Variants in ZNF525 observed in about 807,000 individuals in gnomAD.
The protein encoded by ZNF525 is zinc finger protein 525.
ZNF525 carries 33 observed loss-of-function variants against 37.6 expected under a neutral mutation model. The observed-to-expected ratio is 0.88, with a 90% CI of 0.67 to 1.17. The LOEUF is 1.17. Ranked by LOEUF, ZNF525 falls within the 50% of genes most tolerant of loss-of-function variation. ZNF525 has a pLI of 0.00. For missense variants in ZNF525, 449 were observed against 543.1 expected (o/e 0.83, Z 1.72); for synonymous variants, 170 against 182.3 (o/e 0.93, Z 0.54).
Position 53,372,579 on chromosome 19 carries a change from C to T in ZNF525, c.15+283C>T, listed in dbSNP as rs377633298. On this transcript the variant is annotated intron_variant, in intron 2 of 3. Coordinates refer to ENST00000474037, the MANE Select transcript of ZNF525 (RefSeq NM_001348156.2). ...CCGTGGTGTCAGTGCTGTTGGGCAG[C>T]AGGGATTGTTCAGGGGCCACATCTG... Among the ~76,000 whole-genome samples, 8 of 152,228 alleles carry T rather than the reference C, an allele frequency of 5.3e-5. 1 individual carries two copies. The East Asian group carries it at 9.7e-4, about 18-fold the overall frequency.
At chr19:53,379,247 C>G (rs1256093169) in intron 3 of ZNF525, 2 of 152,166 alleles carry the variant, frequency 1.3e-5, no homozygotes, top group African/African-American at 4.8e-5. Context: ...TTCTGAGTAG[C>G]TGAGATTACA....
intron 3 of ZNF525, chr19:53,376,145 G>A (rs1377870305): frequency 1.1e-6 from 1 of 924,914 alleles, no homozygotes. Flanking sequence ...ACAGGTTCTT[G>A]CTGTGCGGTT....
chr19:53,382,207 G>T lies in ZNF525; in HGVS notation c.*188G>T, dbSNP rs1302248343. The T allele has an allele frequency of 2.5e-6, 4 of 1,585,798 alleles. No homozygotes were observed. In the South Asian group the frequency reaches 3.3e-5, roughly 13 times the overall value. ...AAATCAAACCTTGAAAGACATAGGA[G>T]AATTCACACTGGTGAGAAACCTTAC... is the stretch of plus-strand genomic sequence containing the variant. On this transcript the variant is annotated 3_prime_UTR_variant, in exon 4 of 4. Transcript: ENST00000474037.
chr19:53,377,144 T>C (rs550308177), intron 3 of ZNF525, among the ~76,000 whole-genome samples: 75 of 152,378 alleles, frequency 4.9e-4, no homozygotes, highest in South Asian at 3.5e-3. Context: ...GGGACACATA[T>C]ACCAGTTTCT....
In ZNF525 at chr19:53,383,799, A is replaced by G; in HGVS notation, c.*1780A>G. ...TACATTGCCGTTCATTGGCGAACTC[A>G]TGCTGGAGAGAAATCTTACAATGTC... On this transcript the variant is annotated 3_prime_UTR_variant, in exon 4 of 4. Coordinates refer to ENST00000474037, the MANE Select transcript of ZNF525 (RefSeq NM_001348156.2). 1 of 531,812 alleles carries G rather than the reference A, an allele frequency of 1.9e-6. No homozygotes were observed. The highest frequency in any genetic ancestry group is 3.5e-6 in the Non-Finnish European group (1 of 281,938). The allele number at this position is 531,812 out of a possible 1,614,324, so 32.9% of individuals were successfully genotyped here. A position where few individuals can be genotyped will look rare whatever the true frequency, so the allele number is the denominator to read the frequency against.
chr19:53,382,975 G>T lies in ZNF525; in HGVS notation c.*956G>T. The T allele has an allele frequency of 6.6e-7, 1 of 1,520,712 alleles. No individual in the cohort carries two copies. Among genetic ancestry groups the T allele is most frequent in the South Asian group, 1.1e-5 (1 of 89,456 alleles). The allele number at this position is 1,520,712 out of a possible 1,614,324, so 94.2% of individuals were successfully genotyped here. On this transcript the variant is annotated 3_prime_UTR_variant, in exon 4 of 4. Transcript: ENST00000474037. ...TTCATAAGGCAATTCATACTGGAGA[G>T]AAACCTTACAAGTGTAATGAATGTG... is the stretch of plus-strand genomic sequence containing the variant.
intron 3 of ZNF525, among the ~76,000 whole-genome samples, chr19:53,376,705 C>A (rs1268216662): frequency 6.6e-6 from 1 of 152,196 alleles, no homozygotes; most frequent in Non-Finnish European, 1.5e-5. Context: ...CCCAGTGGCT[C>A]ATGCCTGTAA....
chr19:53,374,443 C>T (rs1600017536), intron 2 of ZNF525, among the ~76,000 whole-genome samples: 1 of 152,172 alleles, frequency 6.6e-6, no homozygotes, highest in South Asian at 2.1e-4. Flanking sequence ...ATAGTGGCTG[C>T]CTCTGCACGT....
chr19:53,378,607 A>G (rs1182976104), intron 3 of ZNF525, among the ~76,000 whole-genome samples: 1 of 152,252 alleles, frequency 6.6e-6, no homozygotes. Context: ...GAGTTTGGAA[A>G]GTGGGAAATC....
At position 53,383,111 on chromosome 19, in the gene ZNF525, C is replaced by A; in HGVS notation, c.*1092C>A. On this transcript the variant is annotated 3_prime_UTR_variant, in exon 4 of 4. Transcript: ENST00000474037. ...CGAGGTTTTTAATCAACAAGCACACCTTGCACGTCATCATAGAACTCATAC... is the reference window on the plus strand; with the variant it reads ...CGAGGTTTTTAATCAACAAGCACACATTGCACGTCATCATAGAACTCATAC... 1 of 1,325,042 alleles carries A rather than the reference C, an allele frequency of 7.5e-7. No homozygotes were observed. The highest frequency in any genetic ancestry group is 2.6e-5 in the East Asian group (1 of 38,348). The allele number at this position is 1,325,042 out of a possible 1,614,324, so 82.1% of individuals were successfully genotyped here. A position where few individuals can be genotyped will look rare whatever the true frequency, so the allele number is the denominator to read the frequency against.
intron 2 of ZNF525, among the ~76,000 whole-genome samples, chr19:53,375,553 C>G (rs1412432851): frequency 1.3e-5 from 2 of 152,058 alleles, no homozygotes; most frequent in African/African-American, 4.8e-5. Flanking sequence ...CCATTGCACT[C>G]CAGCCTGAGT....
chr19:53,376,569 T>C, intron 3 of ZNF525: 1 of 519,542 alleles, frequency 1.9e-6, no homozygotes, highest in South Asian at 2.5e-5. Context: ...ACTCCTTTCT[T>C]CTTTACTTTT....
intron 1 of ZNF525, among the ~76,000 whole-genome samples, chr19:53,368,487 G>T (rs1225147074): frequency 6.6e-6 from 1 of 152,208 alleles, no homozygotes; most frequent in East Asian, 1.9e-4. Flanking sequence ...TTTGGGGGAA[G>T]AGTCAGTTAG....
chr19:53,373,066 AATT>A (rs888250194), intron 2 of ZNF525, among the ~76,000 whole-genome samples: 2 of 151,974 alleles, frequency 1.3e-5, no homozygotes, highest in Non-Finnish European at 2.9e-5. Context: ...CACCTGTTAC[AATT>A]ATTATTATTA....
At chr19:53,372,471 A>T in intron 2 of ZNF525, 175 bp downstream of exon 2, 4 of 748,674 alleles carry the variant, frequency 5.3e-6, no homozygotes, top group Non-Finnish European at 7.2e-6. Context: ...TGGCTCAGTG[A>T]CATGAACTTG....
Position 53,381,156 on chromosome 19 carries a change from G to A in ZNF525, c.577G>A (p.Gly193Arg). 1 of 1,382,638 alleles carries A rather than the reference G, an allele frequency of 7.2e-7. No individual in the cohort carries two copies. Among genetic ancestry groups the A allele is most frequent in the South Asian group, 1.2e-5 (1 of 86,172 alleles). 85.6% of individuals were successfully genotyped at this position (1,382,638 alleles called of 1,614,324 possible). A position where few individuals can be genotyped will look rare whatever the true frequency, so the allele number is the denominator to read the frequency against. The change falls in exon 4 of 4, where the codon GGG becomes AGG. Residue 193 changes from glycine to arginine, a missense_variant. By Grantham distance (125) the Gly-to-Arg change is moderately radical. Coordinates refer to ENST00000474037, the MANE Select transcript of ZNF525 (RefSeq NM_001348156.2). ...CAAAACCCATATATCTAATAACTAT[G>A]GGGATAATTTTCTGAATTATTCATT... ...RPKTHISNNY[G>R]DNFLNYSLLT...
intron 1 of ZNF525, among the ~76,000 whole-genome samples, chr19:53,367,226 C>T (rs555946624): frequency 8.7e-4 from 132 of 152,178 alleles, no homozygotes; most frequent in African/African-American, 3.1e-3. Flanking sequence ...CATAACTGTT[C>T]TTGAAGTGAG....
At chr19:53,376,446 T>A in intron 3 of ZNF525, 1 of 584,710 alleles carries the variant, frequency 1.7e-6, no homozygotes, top group Non-Finnish European at 3.0e-6. Context: ...TATTTCTTGA[T>A]TTTTTTTGTT....
chr19:53,373,507 A>G (rs1449599400), intron 2 of ZNF525, among the ~76,000 whole-genome samples: 1 of 152,170 alleles, frequency 6.6e-6, no homozygotes, highest in Non-Finnish European at 1.5e-5. Flanking sequence ...GCCATAAAGC[A>G]TCTTCTTTTC....
Sources: allele counts gnomAD v4.1 joint callset (sites outside exome capture counted in the v4.1 genomes callset), GRCh38; gene constraint gnomAD v4.1.1; transcripts MANE v1.5; gene names NCBI Gene and HGNC (gene_info 2026-07-23, HGNC 2026-07-21).